Variants in PDE4B observed in about 807,000 individuals in gnomAD.
PDE4B encodes the protein phosphodiesterase 4B.
A neutral mutation model predicts 82.2 loss-of-function variants in PDE4B; 20 were observed. That is an observed-to-expected ratio of 0.24 (90% CI 0.17 to 0.35). The LOEUF (loss-of-function observed/expected upper bound fraction) is 0.35, where lower values mean the gene tolerates loss of function less well. PDE4B is among the 10% of genes least tolerant of loss of function. The pLI is 1.00. For missense variants in PDE4B, 655 were observed against 907.2 expected (o/e 0.72, Z 3.57); for synonymous variants, 320 against 318.9 (o/e 1.00, Z -0.04).
At chr1:66,239,813 A>G (rs1262213616) in intron 3 of PDE4B, among the ~76,000 whole-genome samples, 1 of 152,204 alleles carries the variant, frequency 6.6e-6, no homozygotes, top group Non-Finnish European at 1.5e-5. Flanking sequence ...TTCTTTTTTC[A>G]TTGTTCACCC....
chr1:66,048,458 T>G (rs936018551), intron 3 of PDE4B, among the ~76,000 whole-genome samples: 1 of 151,994 alleles, frequency 6.6e-6, no homozygotes, highest in Non-Finnish European at 1.5e-5. Context: ...TTTGGGAGAA[T>G]AGAGCAATGT....
At chr1:66,332,480 A>G (rs779554626) in intron 7 of PDE4B, 28 bp from the exon 8 acceptor site, 2 of 1,614,054 alleles carry the variant, frequency 1.2e-6, no homozygotes, top group South Asian at 2.2e-5. Context: ...GCTCCAGCCT[A>G]ACTACATGCC....
At chr1:66,087,611 G>A (rs1262222425) in intron 3 of PDE4B, among the ~76,000 whole-genome samples, 3 of 151,716 alleles carry the variant, frequency 2.0e-5, no homozygotes, top group Non-Finnish European at 4.4e-5. Context: ...TTTCTTCTAG[G>A]GTTTTTATGG....
At chr1:66,169,092 C>G (rs774380814) in intron 3 of PDE4B, among the ~76,000 whole-genome samples, 3 of 152,158 alleles carry the variant, frequency 2.0e-5, no homozygotes, top group Non-Finnish European at 4.4e-5. Context: ...GATTGCAAAC[C>G]AATCTTTTTC....
chr1:66,167,563 G>T (rs1646759681), intron 3 of PDE4B, among the ~76,000 whole-genome samples: 1 of 152,036 alleles, frequency 6.6e-6, no homozygotes, highest in African/African-American at 2.4e-5. Context: ...TGTAAACTGT[G>T]AATATATTAA....
intron 1 of PDE4B, among the ~76,000 whole-genome samples, chr1:65,859,950 G>T (rs1321901211): frequency 1.3e-5 from 2 of 152,196 alleles, no homozygotes; most frequent in Non-Finnish European, 2.9e-5. Flanking sequence ...GTTGGAAGAT[G>T]AAAACCACTG....
intron 3 of PDE4B, among the ~76,000 whole-genome samples, chr1:66,233,273 A>C (rs1054725225): frequency 6.6e-6 from 1 of 152,206 alleles, no homozygotes. Flanking sequence ...CAGCATAATT[A>C]GTTTAGGATT....
At position 66,096,450 on chromosome 1, in the gene PDE4B, G is replaced by T. The variant is rs1441031888; in HGVS notation, c.282-151010G>T. Among the ~76,000 whole-genome samples the T allele has an allele frequency of 7.7e-5, 11 of 142,118 alleles. No homozygotes were observed. The South Asian group carries it at 2.4e-3, about 31-fold the overall frequency. 93.2% of individuals were successfully genotyped at this position (142,118 alleles called of 152,430 possible). The stretch of plus-strand genomic sequence containing the variant: ...TTGTCCAAAATGGCTGCCACTTGTG[G>T]CTACTGATCACTTGAAATGGGGCTA... On this transcript the variant is annotated intron_variant, in intron 3 of 16. Coordinates refer to ENST00000341517, the MANE Select transcript of PDE4B (RefSeq NM_002600.4).
intron 3 of PDE4B, among the ~76,000 whole-genome samples, chr1:66,107,466 T>C (rs963698590): frequency 4.0e-5 from 6 of 151,554 alleles, no homozygotes; most frequent in Non-Finnish European, 7.4e-5. Context: ...TTTCTTCACT[T>C]AAAAAAGGTT....
intron 1 of PDE4B, among the ~76,000 whole-genome samples, chr1:65,816,427 GA>G (rs989901449): frequency 6.6e-6 from 1 of 152,084 alleles, no homozygotes; most frequent in African/African-American, 2.4e-5. Flanking sequence ...AGCCAGTTTT[GA>G]AGAATTTTTA....
At chr1:66,107,918 G>T (rs1645402448) in intron 3 of PDE4B, among the ~76,000 whole-genome samples, 1 of 151,778 alleles carries the variant, frequency 6.6e-6, no homozygotes, top group South Asian at 2.1e-4. Context: ...GATGAAATTA[G>T]ACTTAAGATA....
chr1:65,845,914 G>A (rs999239118), intron 1 of PDE4B, among the ~76,000 whole-genome samples: 2 of 152,170 alleles, frequency 1.3e-5, no homozygotes, highest in African/African-American at 4.8e-5. Flanking sequence ...TTAGAGAATA[G>A]GGAAGTAAAT....
At chr1:66,322,801 G>A (rs1659502381) in intron 7 of PDE4B, among the ~76,000 whole-genome samples, 1 of 151,886 alleles carries the variant, frequency 6.6e-6, no homozygotes, top group Non-Finnish European at 1.5e-5. Context: ...AATTAACTAG[G>A]TTACTAGGTA....
chr1:66,096,219 C>T (rs1645111014), intron 3 of PDE4B, among the ~76,000 whole-genome samples: 1 of 151,658 alleles, frequency 6.6e-6, no homozygotes, highest in Admixed American at 6.6e-5. Flanking sequence ...TTTTTCACTT[C>T]TATAAGATCA....
chr1:66,154,844 G>A (rs1169626237), intron 3 of PDE4B, among the ~76,000 whole-genome samples: 3 of 152,162 alleles, frequency 2.0e-5, no homozygotes, highest in African/African-American at 7.2e-5. Context: ...CCTTGTGGTT[G>A]CAGAATGCAG....
chr1:66,289,656 A>G (rs1031517115), intron 7 of PDE4B, among the ~76,000 whole-genome samples: 8 of 152,012 alleles, frequency 5.3e-5, no homozygotes, highest in African/African-American at 1.9e-4. Flanking sequence ...TTTGGATTAT[A>G]TTAAAGCAAA....
rs1219429892 is a variant in PDE4B at position 65,817,531 on chromosome 1, G to A, written c.-71+24283G>A. ...TTTTTATTTATTTATTTTTACTGTC[G>A]CAGGTCAAACTCTAGTCCCTCCCTT... On this transcript the variant is annotated intron_variant, in intron 1 of 16. Transcript: ENST00000341517. 3.9e-5 allele frequency among the ~76,000 whole-genome samples: 6 copies of A among 151,974 alleles called. No homozygotes were observed. In the East Asian group the frequency reaches 7.7e-4, roughly 19 times the overall value.
chr1:65,935,360 G>T (rs1443153461), intron 3 of PDE4B, among the ~76,000 whole-genome samples: 2 of 150,294 alleles, frequency 1.3e-5, no homozygotes, highest in African/African-American at 4.9e-5. Context: ...CTTATGGGAT[G>T]CAGAAAAAAA....
chr1:65,826,638 A>G (rs1198960931), intron 1 of PDE4B, among the ~76,000 whole-genome samples: 2 of 152,192 alleles, frequency 1.3e-5, no homozygotes, highest in African/African-American at 4.8e-5. Flanking sequence ...TGCAGGAGGA[A>G]GAGTAACTAA....
Sources: gnomAD v4.1 joint callset for allele counts (sites outside exome capture counted in the v4.1 genomes callset) on GRCh38, gnomAD v4.1.1 for gene constraint, MANE v1.5 for transcripts, NCBI Gene and HGNC (gene_info 2026-07-23, HGNC 2026-07-21) for gene names.